Variants in ERBB4 observed in about 807,000 individuals in gnomAD.
ERBB4 encodes the protein erb-b2 receptor tyrosine kinase 4, also known as receptor tyrosine-protein kinase erbB-4.
Under a neutral mutation model 158.0 loss-of-function variants are expected in ERBB4, and 42 were observed. The ratio of observed to expected loss-of-function variants is 0.27; its 90% CI spans 0.21 to 0.34. ERBB4 has a LOEUF of 0.34. Among genes scored for constraint, ERBB4 ranks in the 10% least tolerant of loss-of-function variants. ERBB4 has a pLI of 1.00. For missense variants in ERBB4, 1,333 were observed against 1,624.1 expected, an observed-to-expected ratio of 0.82 and a Z score of 3.08; for synonymous variants, 583 against 558.7, an observed-to-expected ratio of 1.04 and a Z score of -0.61.
At chr2:211,756,949 C>T (rs569681678) in intron 4 of ERBB4, among the ~76,000 whole-genome samples, 1 of 152,306 alleles carries the variant, frequency 6.6e-6, no homozygotes, top group African/African-American at 2.4e-5. Context: ...CAAATTGCAT[C>T]TTTCTCCAGC....
intron 2 of ERBB4, among the ~76,000 whole-genome samples, chr2:212,075,087 T>C (rs1054168755): frequency 1.3e-5 from 2 of 151,884 alleles, no homozygotes; most frequent in Non-Finnish European, 2.9e-5. Flanking sequence ...TTCTCAGCCA[T>C]GATGAAACTG....
intron 1 of ERBB4, among the ~76,000 whole-genome samples, chr2:212,180,121 G>A (rs2081810067): frequency 6.6e-6 from 1 of 151,620 alleles, no homozygotes; most frequent in Admixed American, 6.6e-5. Context: ...TGGTTTTGCT[G>A]ATCAAAAACT....
chr2:211,988,188 T>C (rs1031392551), intron 2 of ERBB4, among the ~76,000 whole-genome samples: 1 of 152,136 alleles, frequency 6.6e-6, no homozygotes, highest in Non-Finnish European at 1.5e-5. Flanking sequence ...GCTATGTGCT[T>C]ACAATAAATT....
In ERBB4 at chr2:211,522,097, C is replaced by G. The variant is rs377482814; in HGVS notation, c.2487+39806G>C. On this transcript the variant is annotated intron_variant, in intron 20 of 27. Coordinates refer to ENST00000342788, the MANE Select transcript of ERBB4 (RefSeq NM_005235.3). ...GTCTTATTATTTAAGAAATGAATTT[C>G]AAAAGGGTATAACTACCACAGATAA... is the stretch of plus-strand genomic sequence containing the variant. Among the ~76,000 whole-genome samples, 6 of 152,088 alleles carry G rather than the reference C, an allele frequency of 3.9e-5. No homozygotes were observed. The East Asian group carries it at 1.2e-3, about 29-fold the overall frequency.
intron 3 of ERBB4, among the ~76,000 whole-genome samples, chr2:211,823,168 C>A (rs2077030307): frequency 6.6e-6 from 1 of 151,966 alleles, no homozygotes; most frequent in African/African-American, 2.4e-5. Flanking sequence ...CATAAGAATA[C>A]ATAATTGTTG....
chr2:212,039,294 C>T (rs1479828116), intron 2 of ERBB4, among the ~76,000 whole-genome samples: 2 of 152,078 alleles, frequency 1.3e-5, no homozygotes, highest in African/African-American at 2.4e-5. Context: ...CTGCTCACTG[C>T]CTTTGAATCA....
At chr2:212,532,257 T>C (rs1420445095) in intron 1 of ERBB4, among the ~76,000 whole-genome samples, 1 of 152,210 alleles carries the variant, frequency 6.6e-6, no homozygotes, top group East Asian at 1.9e-4. Context: ...CAGTGGTTTC[T>C]AGTGCCGGAC....
At chr2:212,408,597 C>T (rs888956732) in intron 1 of ERBB4, among the ~76,000 whole-genome samples, 2 of 151,958 alleles carry the variant, frequency 1.3e-5, no homozygotes, top group African/African-American at 4.8e-5. Flanking sequence ...GAACTATGAT[C>T]GCACCTGTGA....
chr2:211,678,075 G>C (rs2072158443), intron 13 of ERBB4, among the ~76,000 whole-genome samples: 1 of 151,912 alleles, frequency 6.6e-6, no homozygotes, highest in African/African-American at 2.4e-5. Flanking sequence ...GTACTTACTA[G>C]CTTCTACTAC....
chr2:211,771,899 A>G (rs2075700569), intron 4 of ERBB4, among the ~76,000 whole-genome samples: 1 of 152,216 alleles, frequency 6.6e-6, no homozygotes, highest in Non-Finnish European at 1.5e-5. Context: ...CACAGGTGGT[A>G]GTACCTGGTG....
intron 1 of ERBB4, among the ~76,000 whole-genome samples, chr2:212,230,684 T>A (rs1248685786): frequency 6.6e-6 from 1 of 152,214 alleles, no homozygotes; most frequent in African/African-American, 2.4e-5. Context: ...TACGTCTATA[T>A]AATATGAATC....
At chr2:211,391,765 T>A (rs530249920) in intron 25 of ERBB4, among the ~76,000 whole-genome samples, 1 of 152,334 alleles carries the variant, frequency 6.6e-6, no homozygotes, top group East Asian at 1.9e-4. Flanking sequence ...ACAGTATTTC[T>A]TATATTTGTA....
intron 20 of ERBB4, among the ~76,000 whole-genome samples, chr2:211,477,494 G>C (rs1443524263): frequency 6.6e-6 from 1 of 152,068 alleles, no homozygotes; most frequent in East Asian, 1.9e-4. Context: ...ATGTTCATTT[G>C]TTCTATAAAA....
chr2:212,248,972 C>T (rs1461795765), intron 1 of ERBB4, among the ~76,000 whole-genome samples: 2 of 152,052 alleles, frequency 1.3e-5, no homozygotes, highest in African/African-American at 4.8e-5. Flanking sequence ...ATGGACTATG[C>T]ATATAATTTT....
At chr2:212,151,771 C>A (rs568205303) in intron 1 of ERBB4, among the ~76,000 whole-genome samples, 42 of 152,178 alleles carry the variant, frequency 2.8e-4, no homozygotes, top group Admixed American at 7.2e-4. Flanking sequence ...TGCTGGTAAT[C>A]CCAGCTACTC....
At chr2:212,500,491 T>A (rs1690828532) in intron 1 of ERBB4, among the ~76,000 whole-genome samples, 1 of 152,086 alleles carries the variant, frequency 6.6e-6, no homozygotes, top group African/African-American at 2.4e-5. Context: ...GGGCTATTCT[T>A]AAAGTGGCCC....
intron 3 of ERBB4, among the ~76,000 whole-genome samples, chr2:211,883,436 T>G (rs1179384440): frequency 2.0e-5 from 3 of 151,918 alleles, no homozygotes; most frequent in African/African-American, 7.3e-5. Flanking sequence ...CCCTAAAACT[T>G]AAAGTATAAT....
chr2:212,456,094 T>A (rs181702309), intron 1 of ERBB4, among the ~76,000 whole-genome samples: 1 of 152,106 alleles, frequency 6.6e-6, no homozygotes, highest in Non-Finnish European at 1.5e-5. Context: ...AAATAATGGT[T>A]TACCAAGTAA....
intron 3 of ERBB4, among the ~76,000 whole-genome samples, chr2:211,811,726 T>G (rs577969903): frequency 2.0e-5 from 3 of 152,330 alleles, no homozygotes; most frequent in East Asian, 1.9e-4. Context: ...TTTACTCTTT[T>G]TTTTTCTAAA....
Sources: gnomAD v4.1 joint callset for allele counts (sites outside exome capture counted in the v4.1 genomes callset) on GRCh38, gnomAD v4.1.1 for gene constraint, MANE v1.5 for transcripts, NCBI Gene and HGNC (gene_info 2026-07-23, HGNC 2026-07-21) for gene names.